The following CLEC4A variants were observed in gnomAD, a reference collection of about 807,000 sequenced individuals.
CLEC4A encodes C-type (calcium dependent, carbohydrate-recognition domain) lectin, superfamily member 6.
Under a neutral mutation model 32.7 loss-of-function variants are expected in CLEC4A, and 27 were observed. That is an observed-to-expected ratio of 0.83 (90% CI 0.61 to 1.14). The LOEUF is 1.14. Ranked by LOEUF, CLEC4A falls within the 50% of genes most tolerant of loss-of-function variation. The pLI is 0.00. For synonymous variants in CLEC4A, 89 were observed against 93.7 expected, an observed-to-expected ratio of 0.95 and a Z score of 0.29; for missense variants, 253 against 274.6, an observed-to-expected ratio of 0.92 and a Z score of 0.55.
the CLEC4A span, among the ~76,000 whole-genome samples, chr12:8,117,240 T>C: frequency 1.3e-5 from 2 of 151,692 alleles, no homozygotes; most frequent in Non-Finnish European, 2.9e-5. Context: ...TTCTTTTTTT[T>C]TTTGTTTTTG....
the CLEC4A span, among the ~76,000 whole-genome samples, chr12:8,118,084 A>G: frequency 6.6e-6 from 1 of 152,074 alleles, no homozygotes; most frequent in African/African-American, 2.4e-5. Flanking sequence ...AAAAAAGGCA[A>G]GGGAGAGTAG....
chr12:8,137,087 T>C (rs1037000364), intron 5 of CLEC4A, among the ~76,000 whole-genome samples, 184 bp downstream of exon 5: 2 of 152,188 alleles, frequency 1.3e-5, no homozygotes, highest in Non-Finnish European at 2.9e-5. Flanking sequence ...CATTGTTATT[T>C]TTCCCACTGT....
intron 3 of CLEC4A, chr12:8,134,825 G>A (rs1489721827): frequency 3.2e-6 from 5 of 1,548,372 alleles, no homozygotes; most frequent in Non-Finnish European, 4.4e-6. Context: ...GTGAGAAGGC[G>A]AAATCCGAAG....
chr12:8,134,136 G>C lies in CLEC4A; in HGVS notation c.299-1449G>C. 3.1e-6 allele frequency: 5 copies of C among 1,603,970 alleles called. No individual in the cohort carries two copies. In the East Asian group the frequency reaches 1.1e-4, roughly 36 times the overall value. On this transcript the variant is annotated intron_variant, in intron 3 of 5. Coordinates refer to ENST00000229332, the MANE Select transcript of CLEC4A (RefSeq NM_016184.4). ...AAATTCTCCAGGTTGCCTCTCACTT[G>C]GTTCTCGATACTGGTTCGCTTTCTC...
intron 3 of CLEC4A, chr12:8,134,314 G>A: frequency 6.2e-7 from 1 of 1,612,020 alleles, no homozygotes; most frequent in Non-Finnish European, 8.5e-7. Flanking sequence ...TGGTCGTTTG[G>A]CTGAACACCT....
Position 8,123,981 on chromosome 12 carries a change from G to A in CLEC4A, c.82+21G>A, listed in dbSNP as rs764122873. The A allele has an allele frequency of 3.4e-6, 5 of 1,491,950 alleles. No individual in the cohort carries two copies. The African/African-American group carries it at 6.9e-5, about 21-fold the overall frequency. 92.4% of individuals were successfully genotyped at this position (1,491,950 alleles called of 1,614,324 possible). ...TGCAGGTAAAGATCATTTTCTAGGGGTCAGAGTGAATGACGAGGTGAAGGA... is the reference window on the plus strand; with the variant it reads ...TGCAGGTAAAGATCATTTTCTAGGGATCAGAGTGAATGACGAGGTGAAGGA... On this transcript the variant is annotated intron_variant, in intron 1 of 5. Transcript: ENST00000229332.
intron 2 of CLEC4A, among the ~76,000 whole-genome samples, chr12:8,128,563 G>A (rs1408133645): frequency 2.6e-5 from 4 of 152,108 alleles, no homozygotes; most frequent in African/African-American, 9.6e-5. Flanking sequence ...GGCACCTGCC[G>A]CTGCGCCCAG....
chr12:8,114,822 A>T, the CLEC4A span, among the ~76,000 whole-genome samples: 2 of 152,256 alleles, frequency 1.3e-5, no homozygotes, highest in East Asian at 3.9e-4. Flanking sequence ...TTTCTACTCC[A>T]GTTAGATGAC....
intron 3 of CLEC4A, among the ~76,000 whole-genome samples, chr12:8,132,807 CTTTG>C (rs1948021941): frequency 6.6e-6 from 1 of 151,742 alleles, no homozygotes; most frequent in African/African-American, 2.4e-5. Context: ...CATTTTGCAG[CTTTG>C]TTTGGTGTAT....
rs1947954046 is a variant in CLEC4A, at chr12:8,129,313, G to A, written c.249G>A (p.Glu83=). 6.2e-7 allele frequency: 1 copy of A among 1,607,650 alleles called. No homozygotes were observed. The highest frequency in any genetic ancestry group is 8.5e-7 in the Non-Finnish European group (1 of 1,178,258). Reference sequence around the variant, plus strand: ...TTCTTGAAAAAAAGACTACAAAAGAGCTGGTTCATACAACATTGGAGTGTG... The same window carrying A: ...TTCTTGAAAAAAAGACTACAAAAGAACTGGTTCATACAACATTGGAGTGTG... The part of the protein sequence containing the change: ...SQLLEKKTTK[E]LVHTTLECVK... The change falls in exon 3 of 6, where the codon GAG becomes GAA. Residue 83 remains glutamate, a synonymous_variant. Transcript: ENST00000229332.
intron 5 of CLEC4A, 113 bp from the exon 6 acceptor site, chr12:8,138,027 G>C: frequency 8.8e-7 from 1 of 1,141,582 alleles, no homozygotes; most frequent in South Asian, 1.6e-5. Flanking sequence ...GGTGGATTTG[G>C]GCATATCTGA....
chr12:8,123,184 C>T (rs1161850236), upstream of CLEC4A, among the ~76,000 whole-genome samples: 1 of 152,182 alleles, frequency 6.6e-6, no homozygotes, highest in Non-Finnish European at 1.5e-5. Flanking sequence ...GTAAAGGGAG[C>T]TGCTTTCTGG....
chr12:8,129,472 A>G (rs1478345302), intron 3 of CLEC4A, 110 bp downstream of exon 3: 1 of 748,634 alleles, frequency 1.3e-6, no homozygotes, highest in Non-Finnish European at 2.3e-6. Context: ...GTTGAGTCTC[A>G]CAATAATTTA....
chr12:8,124,023 G>C lies in CLEC4A; in HGVS notation c.82+63G>C, dbSNP rs969829813. 3 of 1,083,616 alleles carry C rather than the reference G, an allele frequency of 2.8e-6. No homozygotes were observed. The African/African-American group carries it at 4.6e-5, about 17-fold the overall frequency. The allele number at this position is 1,083,616 out of a possible 1,614,324, so 67.1% of individuals were successfully genotyped here. The stretch of plus-strand genomic sequence containing the variant: ...GGTGAAGGATGAGGAGAGGGTTTAT[G>C]AATAAGGCATAGGTGTTTTCAGTTG... On this transcript the variant is annotated intron_variant, in intron 1 of 5. Transcript: ENST00000229332.
the CLEC4A span, among the ~76,000 whole-genome samples, chr12:8,118,088 A>G: frequency 6.6e-6 from 1 of 152,102 alleles, no homozygotes; most frequent in East Asian, 1.9e-4. Flanking sequence ...AAGGCAAGGG[A>G]GAGTAGACAA....
At chr12:8,130,675 C>T (rs746962479) in intron 3 of CLEC4A, among the ~76,000 whole-genome samples, 19 of 152,132 alleles carry the variant, frequency 1.2e-4, no homozygotes, top group Non-Finnish European at 2.5e-4. Flanking sequence ...CTACCATGCC[C>T]GGCCAATAGG....
At chr12:8,114,221 G>T in the CLEC4A span, among the ~76,000 whole-genome samples, 2 of 152,116 alleles carry the variant, frequency 1.3e-5, no homozygotes, top group African/African-American at 2.4e-5. Context: ...TGACGTACTT[G>T]CATTAATGTT....
rs375614072 is a variant in CLEC4A at position 8,125,571 on chromosome 12, G to A, written c.93G>A (p.Glu31=). Residue 31 remains glutamate, a synonymous_variant, in exon 2 of 6, where the codon GAG becomes GAA. Coordinates refer to ENST00000229332, the MANE Select transcript of CLEC4A (RefSeq NM_016184.4). ...TGGCTTCTTCTTCAGCTTCCAAGGA[G>A]AGGACTGCCCCTCACAAAAGTAATA... is the stretch of plus-strand genomic sequence containing the variant. ...INTASSAASK[E]RTAPHKSNTG... The A allele has an allele frequency of 1.6e-5, 25 of 1,604,290 alleles. No individual in the cohort carries two copies. The highest frequency in any genetic ancestry group is 2.0e-5 in the Non-Finnish European group (24 of 1,171,440).
chr12:8,106,099 T>G, the CLEC4A span, among the ~76,000 whole-genome samples: 2 of 152,248 alleles, frequency 1.3e-5, no homozygotes, highest in East Asian at 3.8e-4. Context: ...TTCAATCTTC[T>G]GCATATCGCT....
Sources: allele counts gnomAD v4.1 joint callset (sites outside exome capture counted in the v4.1 genomes callset), GRCh38; gene constraint gnomAD v4.1.1; transcripts MANE v1.5; gene names NCBI Gene and HGNC (gene_info 2026-07-23, HGNC 2026-07-21).